The following DNAH9 variants were observed in gnomAD, a reference collection of about 807,000 sequenced individuals.
DNAH9 encodes dynein axonemal heavy chain 9, also known as DNAH9 variant protein.
Under a neutral mutation model 471.6 loss-of-function variants are expected in DNAH9, and 345 were observed. That is an observed-to-expected ratio of 0.73 (90% CI 0.67 to 0.80). The LOEUF (loss-of-function observed/expected upper bound fraction) is 0.80, where lower values mean the gene tolerates loss of function less well. Ranked by LOEUF, DNAH9 falls within the 30% of genes least tolerant of loss-of-function variation. The pLI is 0.00. For missense variants in DNAH9, 5,407 were observed against 5,609.2 expected, an observed-to-expected ratio of 0.96 and a Z score of 1.15; for synonymous variants, 2,093 against 2,123.6, an observed-to-expected ratio of 0.99 and a Z score of 0.40.
At chr17:11,881,699 T>A (rs1972727945) in intron 55 of DNAH9, among the ~76,000 whole-genome samples, 1 of 151,940 alleles carries the variant, frequency 6.6e-6, no homozygotes, top group African/African-American at 2.4e-5. Flanking sequence ...ATGAGGTCGG[T>A]AGTTCGAGAC....
At chr17:11,775,259 C>T (rs1033602892) in intron 38 of DNAH9, among the ~76,000 whole-genome samples, 1 of 152,036 alleles carries the variant, frequency 6.6e-6, no homozygotes, top group Non-Finnish European at 1.5e-5. Flanking sequence ...CAAAATGATT[C>T]CCAGCATACA....
intron 38 of DNAH9, among the ~76,000 whole-genome samples, chr17:11,779,677 T>C (rs1170708931): frequency 1.3e-5 from 2 of 152,226 alleles, no homozygotes; most frequent in African/African-American, 2.4e-5. Flanking sequence ...GAGAATTTCC[T>C]ATTAGAAGAA....
chr17:11,633,826 T>G (rs1043074524), intron 8 of DNAH9, among the ~76,000 whole-genome samples: 14 of 152,208 alleles, frequency 9.2e-5, no homozygotes, highest in Non-Finnish European at 1.6e-4. Flanking sequence ...TCAGGAGTCT[T>G]CAAGGGATGC....
chr17:11,757,393 A>C (rs558098727), intron 34 of DNAH9, 152 bp from the exon 35 acceptor site: 1 of 669,424 alleles, frequency 1.5e-6, no homozygotes, highest in African/African-American at 1.8e-5. Context: ...TCAATAGCAA[A>C]CCCATTTACC....
chr17:11,768,642 C>A lies in DNAH9; in HGVS notation c.7344+16C>A. On this transcript the variant is annotated intron_variant, in intron 37 of 68. Transcript: ENST00000262442. ...GCCCTTGCAGGTGAGTGCAGCTGAG[C>A]AGCCGAGGACGTGCGTGCAGTTGCC... is the stretch of plus-strand genomic sequence containing the variant. 6.2e-7 allele frequency: 1 copy of A among 1,611,314 alleles called. No homozygotes were observed.
intron 2 of DNAH9, 21 bp downstream of exon 2, chr17:11,608,346 C>T: frequency 6.4e-7 from 1 of 1,563,442 alleles, no homozygotes; most frequent in South Asian, 1.1e-5. Context: ...CCAGCCTGGC[C>T]ATATGGGCCT....
chr17:11,811,546 C>T (rs1307377130), intron 45 of DNAH9, among the ~76,000 whole-genome samples: 3 of 152,108 alleles, frequency 2.0e-5, no homozygotes, highest in Non-Finnish European at 2.9e-5. Context: ...CTGGTGGTCA[C>T]ATCCCTGCTG....
intron 31 of DNAH9, among the ~76,000 whole-genome samples, chr17:11,747,144 A>G (rs1966913762): frequency 6.6e-6 from 1 of 152,210 alleles, no homozygotes; most frequent in African/African-American, 2.4e-5. Flanking sequence ...GGGGACTTGT[A>G]AGTTATGTGT....
chr17:11,804,630 G>A (rs61470349), intron 43 of DNAH9, among the ~76,000 whole-genome samples: 1,801 of 152,264 alleles, frequency 0.012, 33 homozygotes, highest in African/African-American at 0.041. Context: ...TGTAATCCCA[G>A]GGAGGGAGGC....
intron 35 of DNAH9, among the ~76,000 whole-genome samples, chr17:11,760,504 T>C (rs1967618443): frequency 2.0e-5 from 3 of 152,098 alleles, no homozygotes; most frequent in African/African-American, 7.2e-5. Context: ...TAATGTCTTT[T>C]GTTGTTAGTT....
In DNAH9 at chr17:11,719,496, G is replaced by C; in HGVS notation, c.5709+6G>C. 6.2e-7 allele frequency: 1 copy of C among 1,606,454 alleles called. No homozygotes were observed. The highest frequency in any genetic ancestry group is 8.5e-7 in the Non-Finnish European group (1 of 1,175,718). ...CGGAGCAGATGGATTACAAGGTACAGTTCCACCCGGCTTCCTGGGGGTGGG... is the reference window on the plus strand; with the variant it reads ...CGGAGCAGATGGATTACAAGGTACACTTCCACCCGGCTTCCTGGGGGTGGG... On this transcript the variant is annotated splice_donor_region_variant and intron_variant, in intron 27 of 68. Transcript: ENST00000262442.
Position 11,793,534 on chromosome 17 carries a change from A to G in DNAH9, c.8093A>G (p.Lys2698Arg). 1 of 1,613,614 alleles carries G rather than the reference A, an allele frequency of 6.2e-7. No homozygotes were observed. The highest frequency in any genetic ancestry group is 8.5e-7 in the Non-Finnish European group (1 of 1,179,912). Residue 2698 changes from lysine to arginine, a missense_variant, in exon 42 of 69, where the codon AAA becomes AGA. Physicochemically the swap from Lys to Arg is conservative, Grantham distance 26. Around this residue, in one of 3 missense-constraint regions of DNAH9, gnomAD observed 4,636 missense variants for 4,900.3 expected, o/e 0.95. Coordinates refer to ENST00000262442, the MANE Select transcript of DNAH9 (RefSeq NM_001372.4). ...GILFSSVECV[K>R]STWDLIRLYL... ...CTCTTCTCCTCAGTGGAATGTGTGA[A>G]ATCCACATGGGATCTTATAAGGCTC...
chr17:11,725,813 A>G (rs1424970823), intron 27 of DNAH9, among the ~76,000 whole-genome samples: 3 of 151,972 alleles, frequency 2.0e-5, no homozygotes, highest in East Asian at 3.9e-4. Context: ...GTTGCAGTGA[A>G]CTGAGATTGC....
chr17:11,923,715 T>C, intron 61 of DNAH9, 99 bp from the exon 62 acceptor site: 1 of 1,477,796 alleles, frequency 6.8e-7, no homozygotes, highest in Non-Finnish European at 9.2e-7. Context: ...GGCATGCCCG[T>C]GTTTGAGGGG....
intron 19 of DNAH9, among the ~76,000 whole-genome samples, chr17:11,681,803 G>A (rs1175079493): frequency 6.6e-6 from 1 of 152,164 alleles, no homozygotes; most frequent in East Asian, 1.9e-4. Flanking sequence ...AACTTCACTG[G>A]AACGAAGTTC....
intron 17 of DNAH9, among the ~76,000 whole-genome samples, chr17:11,671,916 G>A (rs2073978827): frequency 2.6e-5 from 4 of 152,178 alleles, no homozygotes; most frequent in Admixed American, 2.0e-4. Flanking sequence ...ACCTCTGAAA[G>A]AAGACAGCCC....
At chr17:11,796,670 C>T (rs962789111) in intron 42 of DNAH9, among the ~76,000 whole-genome samples, 4 of 152,202 alleles carry the variant, frequency 2.6e-5, no homozygotes, top group South Asian at 2.1e-4. Context: ...GAGGAAAAAA[C>T]GACAGGTGCG....
In DNAH9 at chr17:11,834,650, A is replaced by C. The variant is rs779432060; in HGVS notation, c.9259A>C (p.Lys3087Gln). 1 of 1,614,092 alleles carries C rather than the reference A, an allele frequency of 6.2e-7. No individual in the cohort carries two copies. Among genetic ancestry groups the C allele is most frequent in the Admixed American group, 1.7e-5 (1 of 59,998 alleles). Residue 3087 changes from lysine (K) to glutamine (Q), a missense_variant, in exon 49 of 69, where the codon AAA (lysine) becomes CAA (glutamine). Physicochemically the swap from Lys to Gln is moderately conservative, Grantham distance 53. Coordinates refer to ENST00000262442, the MANE Select transcript of DNAH9 (RefSeq NM_001372.4). ...TTCTCCAATGCAGGTGGATGATCTG[A>C]AAGCAAAGCTGGCTGCCCAGGAAGT... ...HSTSAQVDDL[K>Q]AKLAAQEVEL...
intron 1 of DNAH9, among the ~76,000 whole-genome samples, chr17:11,607,064 A>G (rs1022466657): frequency 3.3e-5 from 5 of 152,208 alleles, no homozygotes; most frequent in African/African-American, 1.2e-4. Flanking sequence ...CGTTCACCCT[A>G]AAGATGGATT....
Sources: gnomAD v4.1 joint callset for allele counts (sites outside exome capture counted in the v4.1 genomes callset) on GRCh38, gnomAD v4.1.1 for gene constraint, gnomAD v4.1.1 regional missense constraint, MANE v1.5 for transcripts, NCBI Gene and HGNC (gene_info 2026-07-23, HGNC 2026-07-21) for gene names.